The following MRPS9 variants were observed in gnomAD, a reference collection of about 807,000 sequenced individuals.
The protein encoded by MRPS9 is small ribosomal subunit protein uS9m.
Under a neutral mutation model 59.9 loss-of-function variants are expected in MRPS9, and 45 were observed. The observed-to-expected ratio is 0.75, with a 90% confidence interval of 0.59 to 0.96. The LOEUF is 0.96. Among genes scored for constraint, MRPS9 ranks in the 40% least tolerant of loss-of-function variants. The pLI is 0.00. For synonymous variants in MRPS9, 171 were observed against 166.8 expected, an observed-to-expected ratio of 1.03 and a Z score of -0.19; for missense variants, 473 against 481.1, an observed-to-expected ratio of 0.98 and a Z score of 0.16.
At chr2:105,045,464 C>CA (rs1017822417) in intron 1 of MRPS9, among the ~76,000 whole-genome samples, 15 of 150,874 alleles carry the variant, frequency 9.9e-5, no homozygotes, top group African/African-American at 3.4e-4. Context: ...TGGGTATTCT[C>CA]ATCTACTAAA....
rs1293854501 is a variant in MRPS9, at chr2:105,097,216, A to C, written c.991A>C (p.Thr331Pro). ...GCTGGGAAAGCACGACGTGACCTGC[A>C]CAGTCTCAGGGGGCGGGAGGTCAGC... Reference protein sequence around the residue: ...DRLGKHDVTCTVSGGGRSAQA... With the variant: ...DRLGKHDVTCPVSGGGRSAQA... Residue 331 changes from threonine (T) to proline (P), a missense_variant, in exon 10 of 11, where the codon ACA (threonine) becomes CCA (proline). Physicochemically the swap from Thr to Pro is conservative, Grantham distance 38. Coordinates refer to ENST00000258455, the MANE Select transcript of MRPS9 (RefSeq NM_182640.3). 2 of 1,611,334 alleles carry C rather than the reference A, an allele frequency of 1.2e-6. No homozygotes were observed. Among genetic ancestry groups the C allele is most frequent in the South Asian group, 2.2e-5 (2 of 90,590 alleles).
intron 9 of MRPS9, among the ~76,000 whole-genome samples, chr2:105,093,999 AACC>A (rs1342470591): frequency 1.3e-5 from 2 of 152,196 alleles, no homozygotes; most frequent in Admixed American, 1.3e-4. Context: ...CACAAAACAA[AACC>A]ACCACCACAA....
At chr2:105,052,154 A>G (rs1330069820) in intron 2 of MRPS9, among the ~76,000 whole-genome samples, 2 of 152,168 alleles carry the variant, frequency 1.3e-5, no homozygotes, top group African/African-American at 2.4e-5. Context: ...ATGTCTAACA[A>G]TGTTGAGTAG....
At position 105,092,534 on chromosome 2, in the gene MRPS9, A is replaced by G. The variant is rs765595224; in HGVS notation, c.785A>G (p.Tyr262Cys). ...AAACAGCTGATTGAACCTGTACAGT[A>G]TGATGAGCAAGGAATGGCCTTTAGC... ...SKKQLIEPVQYDEQGMAFSKS... is the reference protein window; with the variant it reads ...SKKQLIEPVQCDEQGMAFSKS... The change falls in exon 8 of 11, where the codon TAT becomes TGT. Residue 262 changes from tyrosine to cysteine, a missense_variant. Tyr to Cys is a radical substitution (Grantham distance 194). Transcript: ENST00000258455. 2 of 1,609,286 alleles carry G rather than the reference A, an allele frequency of 1.2e-6. No homozygotes were observed. The highest frequency in any genetic ancestry group is 1.7e-5 in the Admixed American group (1 of 58,566).
At chr2:105,079,057 A>AG (rs1430960996) in intron 4 of MRPS9, among the ~76,000 whole-genome samples, 3 of 152,182 alleles carry the variant, frequency 2.0e-5, no homozygotes, top group Admixed American at 2.0e-4. Flanking sequence ...GAAATTAGGG[A>AG]GAAAATGCCT....
intron 4 of MRPS9, among the ~76,000 whole-genome samples, chr2:105,078,120 C>T (rs1288179920): frequency 1.4e-5 from 2 of 142,332 alleles, no homozygotes; most frequent in East Asian, 4.2e-4. Context: ...GTGTTTGTGC[C>T]TTATTCAGTT....
intron 1 of MRPS9, among the ~76,000 whole-genome samples, chr2:105,043,046 G>A (rs1424164480): frequency 6.7e-6 from 1 of 149,944 alleles, no homozygotes; most frequent in Non-Finnish European, 1.5e-5. Context: ...CTAACATAAA[G>A]GTTTTTTTAA....
intron 5 of MRPS9, among the ~76,000 whole-genome samples, chr2:105,081,762 T>A (rs1487590241): frequency 6.6e-6 from 1 of 152,222 alleles, no homozygotes; most frequent in Non-Finnish European, 1.5e-5. Context: ...TTTTGAGTAA[T>A]TTAAGTTTTG....
At chr2:105,047,718 C>T (rs528918431) in intron 1 of MRPS9, among the ~76,000 whole-genome samples, 1 of 152,192 alleles carries the variant, frequency 6.6e-6, no homozygotes, top group South Asian at 2.1e-4. Flanking sequence ...CTACGGGATG[C>T]AGCTGAATGT....
intron 5 of MRPS9, among the ~76,000 whole-genome samples, chr2:105,085,132 G>T (rs113209799): frequency 0.018 from 2,694 of 152,150 alleles, 81 homozygotes; most frequent in African/African-American, 0.062. Flanking sequence ...TTTACATGAT[G>T]TACAATCTAT....
In MRPS9 at chr2:105,073,071, C is replaced by G. The variant is rs535002368; in HGVS notation, c.409+1582C>G. On this transcript the variant is annotated intron_variant, in intron 4 of 10. Transcript: ENST00000258455. ...TTACATTAAACACCTAGTAGCTTTTCGGTAAATGTTTGTAATGACAGTGAT... is the reference window on the plus strand; with the variant it reads ...TTACATTAAACACCTAGTAGCTTTTGGGTAAATGTTTGTAATGACAGTGAT... Among the ~76,000 whole-genome samples, 5 of 152,132 alleles carry G rather than the reference C, an allele frequency of 3.3e-5. No homozygotes were observed. In the East Asian group the frequency reaches 5.8e-4, roughly 18 times the overall value.
intron 4 of MRPS9, among the ~76,000 whole-genome samples, chr2:105,079,217 G>C (rs1202095816): frequency 2.0e-5 from 3 of 152,186 alleles, no homozygotes; most frequent in Non-Finnish European, 4.4e-5. Flanking sequence ...CAGCCTGGGG[G>C]AAAATAGTTT....
chr2:105,097,490 A>G (rs911582059), intron 10 of MRPS9, 166 bp downstream of exon 10: 12 of 600,174 alleles, frequency 2.0e-5, no homozygotes, highest in African/African-American at 1.9e-4. Flanking sequence ...TATTTCTCAG[A>G]TTTGATTTCT....
intron 1 of MRPS9, among the ~76,000 whole-genome samples, chr2:105,044,496 A>G (rs1679559507): frequency 6.6e-6 from 1 of 152,168 alleles, no homozygotes; most frequent in Admixed American, 6.5e-5. Context: ...AGAATGCCAT[A>G]CTCTTAAGCA....
At chr2:105,050,728 A>C (rs1679696627) in intron 2 of MRPS9, among the ~76,000 whole-genome samples, 1 of 152,222 alleles carries the variant, frequency 6.6e-6, no homozygotes, top group Non-Finnish European at 1.5e-5. Context: ...GGAATGTAAT[A>C]ATTGAAGAGT....
At position 105,045,687 on chromosome 2, in the gene MRPS9, G is replaced by C. The variant is rs143901350; in HGVS notation, c.136-3484G>C. Among the ~76,000 whole-genome samples the C allele has an allele frequency of 1.2e-3, 181 of 149,302 alleles. 3 individuals carry two copies. Among genetic ancestry groups the C allele is most frequent in the Non-Finnish European group, 3.6e-4 (24 of 65,958 alleles). On this transcript the variant is annotated intron_variant, in intron 1 of 10. Transcript: ENST00000258455. ...AATCTACCCTAAGATGTAACTCTCT[G>C]GAACTAAATAGCACATTGAATATAC...
chr2:105,087,616 C>G (rs373705113), intron 5 of MRPS9, among the ~76,000 whole-genome samples: 2 of 152,106 alleles, frequency 1.3e-5, no homozygotes, highest in Admixed American at 6.5e-5. Context: ...TTCTACTACG[C>G]TTAATGAAAA....
chr2:105,090,698 GTCT>G (rs1229382296), intron 7 of MRPS9, among the ~76,000 whole-genome samples: 2 of 152,218 alleles, frequency 1.3e-5, no homozygotes, highest in African/African-American at 4.8e-5. Context: ...GACAGTTGAT[GTCT>G]TAAACATTTT....
intron 2 of MRPS9, among the ~76,000 whole-genome samples, chr2:105,050,138 T>TC (rs1477494704): frequency 1.4e-5 from 2 of 143,492 alleles, no homozygotes; most frequent in African/African-American, 5.1e-5. Context: ...TTTTTTCTTT[T>TC]CTTTTCTTTT....
Sources: gnomAD v4.1 joint callset for allele counts (sites outside exome capture counted in the v4.1 genomes callset) on GRCh38, gnomAD v4.1.1 for gene constraint, MANE v1.5 for transcripts, NCBI Gene and HGNC (gene_info 2026-07-23, HGNC 2026-07-21) for gene names.